Variants in OR2AT4 observed in about 807,000 individuals in gnomAD.
OR2AT4 encodes olfactory receptor family 2 subfamily AT member 4, also known as olfactory receptor 2AT4.
In OR2AT4, 6 loss-of-function variants were observed where a neutral mutation model predicts 10.3. The observed-to-expected ratio is 0.58, with a 90% CI of 0.32 to 1.15. The LOEUF is 1.15. Ranked by LOEUF, OR2AT4 falls within the 50% of genes most tolerant of loss-of-function variation. The pLI, the probability that OR2AT4 is intolerant of heterozygous loss-of-function variation, is 0.05. For missense variants in OR2AT4, 354 were observed against 393.8 expected (o/e 0.90, Z 0.85); for synonymous variants, 145 against 159.1 (o/e 0.91, Z 0.67).
At chr11:75,090,991 C>T (rs754016903) in intron 1 of OR2AT4, among the ~76,000 whole-genome samples, 3 of 152,168 alleles carry the variant, frequency 2.0e-5, no homozygotes, top group Non-Finnish European at 2.9e-5. Flanking sequence ...GCAAATCTCC[C>T]ACACTCCTTC....
intron 1 of OR2AT4, among the ~76,000 whole-genome samples, chr11:75,093,605 G>A (rs960957189): frequency 6.6e-5 from 10 of 152,092 alleles, no homozygotes; most frequent in South Asian, 2.1e-4. Flanking sequence ...GGAAGTTCAC[G>A]TTTATGTTTA....
At chr11:75,082,646 G>A (rs2140277405) in exon 2 of OR2AT4, 1 of 152,100 alleles carries the variant, frequency 6.6e-6, no homozygotes, top group South Asian at 2.1e-4. Flanking sequence ...TTGGCCTTGG[G>A]AAAGAATTTA....
At chr11:75,093,833 T>TTTTTTTTTTTTTTTTTTTTTA (rs1949333135) in intron 1 of OR2AT4, among the ~76,000 whole-genome samples, 1 of 100,766 alleles carries the variant, frequency 9.9e-6, no homozygotes, top group Non-Finnish European at 2.0e-5. Flanking sequence ...TTTTTTTTTT[T>TTTTTTTTTTTTTTTTTTTTTA]TTTTTTGAGA....
intron 1 of OR2AT4, among the ~76,000 whole-genome samples, chr11:75,094,224 C>A (rs1408187272): frequency 6.6e-6 from 1 of 152,038 alleles, no homozygotes; most frequent in Non-Finnish European, 1.5e-5. Flanking sequence ...GGAGCCCAGG[C>A]TCTAACCCCC....
rs950110033 is a variant in OR2AT4 at position 75,089,359 on chromosome 11, T to C, written c.355A>G (p.Ile119Val). 22 of 1,613,978 alleles carry C rather than the reference T, an allele frequency of 1.4e-5. No individual in the cohort carries two copies. The highest frequency in any genetic ancestry group is 1.9e-5 in the Non-Finnish European group (22 of 1,180,024). Residue 119 changes from isoleucine (I) to valine (V), a missense_variant, in exon 2 of 2, where the codon ATC becomes GTC. Coordinates refer to ENST00000641504, the Ensembl canonical transcript of OR2AT4. ...CGGTCATAGGCCATGACCACCAGGA[T>C]GAAGGCTTCTGAACATGTAAAACTT...
chr11:75,091,668 C>T (rs372860725), intron 1 of OR2AT4, among the ~76,000 whole-genome samples: 20 of 152,120 alleles, frequency 1.3e-4, no homozygotes, highest in East Asian at 3.9e-4. Flanking sequence ...ATATTTGATA[C>T]GGTATGACTT....
Position 75,088,858 on chromosome 11 carries a change from G to A in OR2AT4, c.856C>T (p.Leu286Phe), listed in dbSNP as rs192707371. The A allele has an allele frequency of 5.6e-6, 9 of 1,613,562 alleles. No individual in the cohort carries two copies. The Admixed American group carries it at 1.5e-4, about 27-fold the overall frequency. ...ATGAGGGGGTTGAGAATTGGTGTGA[G>A]AATGGCATATACCACATTGCCCATG... The change falls in exon 2 of 2, where the codon CTC becomes TTC. Residue 286 changes from leucine to phenylalanine, a missense_variant. By Grantham distance (22) the Leu-to-Phe change is conservative. Transcript: ENST00000641504.
At position 75,088,868 on chromosome 11, in the gene OR2AT4, T is replaced by G. The variant is rs150263448; in HGVS notation, c.846A>C (p.Val282=). ...TGAGAATTGGTGTGAGAATGGCATA[T>G]ACCACATTGCCCATGATATGGAAGT... The change falls in exon 2 of 2, where the codon GTA becomes GTC. Residue 282 remains valine, a synonymous_variant. Coordinates refer to ENST00000641504, the Ensembl canonical transcript of OR2AT4. 1.7e-4 allele frequency: 278 copies of G among 1,613,950 alleles called. 4 individuals carry two copies. The African/African-American group carries it at 3.5e-3, about 20-fold the overall frequency.
exon 2 of OR2AT4, chr11:75,089,161 C>G (rs1424936143): frequency 6.2e-7 from 1 of 1,614,040 alleles, no homozygotes; most frequent in African/African-American, 1.3e-5. Flanking sequence ...GCCAGATGAT[C>G]ACAGAAGCAG....
exon 2 of OR2AT4, chr11:75,086,385 G>A (rs1029681696): frequency 3.3e-5 from 5 of 152,104 alleles, no homozygotes; most frequent in African/African-American, 4.8e-5. Context: ...CACTGTAAGC[G>A]AATTCAAAGG....
chr11:75,094,572 A>T (rs1020351700), intron 1 of OR2AT4, among the ~76,000 whole-genome samples: 1 of 152,116 alleles, frequency 6.6e-6, no homozygotes, highest in African/African-American at 2.4e-5. Context: ...ACATAGCAAG[A>T]CCCTGTCTCT....
At chr11:75,089,907 T>C in exon 2 of OR2AT4, 5 of 548,132 alleles carry the variant, frequency 9.1e-6, no homozygotes. Context: ...TTTTGCCATG[T>C]GAACGCAAAA....
chr11:75,088,724 G>A (rs1449940902), exon 2 of OR2AT4: 6 of 1,530,748 alleles, frequency 3.9e-6, no homozygotes, highest in African/African-American at 1.4e-5. Flanking sequence ...TTGGTGTCCT[G>A]GAAGCAGAGT....
chr11:75,086,167 C>T (rs1949290078), exon 2 of OR2AT4: 2 of 152,120 alleles, frequency 1.3e-5, no homozygotes, highest in African/African-American at 2.4e-5. Context: ...CTAAACCTCA[C>T]ACCTTACCCA....
At chr11:75,083,067 A>C (rs1271826830) in exon 2 of OR2AT4, 1 of 137,370 alleles carries the variant, frequency 7.3e-6, no homozygotes, top group Non-Finnish European at 1.6e-5. Context: ...CGACAGAATA[A>C]GACTGTCTCA....
At chr11:75,089,832 A>G in exon 2 of OR2AT4, 1 of 1,020,146 alleles carries the variant, frequency 9.8e-7, no homozygotes, top group Non-Finnish European at 1.4e-6. Flanking sequence ...TTTACTCTGT[A>G]GGTAATATAA....
exon 2 of OR2AT4, chr11:75,086,001 GGAACA>G (rs1025436050): frequency 4.6e-5 from 7 of 152,158 alleles, no homozygotes; most frequent in African/African-American, 1.7e-4. Context: ...ATATATCAGT[GGAACA>G]GAATAGAGAG....
At chr11:75,093,082 G>A (rs933523885) in intron 1 of OR2AT4, among the ~76,000 whole-genome samples, 3 of 152,204 alleles carry the variant, frequency 2.0e-5, no homozygotes, top group Non-Finnish European at 2.9e-5. Flanking sequence ...CCTGGCAACA[G>A]AGCAAGACTC....
exon 2 of OR2AT4, chr11:75,084,774 A>T (rs578050627): frequency 6.6e-6 from 1 of 152,228 alleles, no homozygotes; most frequent in Non-Finnish European, 1.5e-5. Flanking sequence ...AAATAAAAAC[A>T]CTTTGAAATA....
Sources: gnomAD v4.1 joint callset for allele counts (sites outside exome capture counted in the v4.1 genomes callset) on GRCh38, gnomAD v4.1.1 for gene constraint, MANE v1.5 for transcripts, NCBI Gene and HGNC (gene_info 2026-07-23, HGNC 2026-07-21) for gene names.